The following ESR1 variants were observed in gnomAD, a reference collection of about 807,000 sequenced individuals.
ESR1 encodes estrogen receptor.
A neutral mutation model predicts 52.7 loss-of-function variants in ESR1; 12 were observed. That is an observed-to-expected ratio of 0.23 (90% CI 0.15 to 0.37). The LOEUF (loss-of-function observed/expected upper bound fraction) is 0.37, where lower values mean the gene tolerates loss of function less well. ESR1 is among the 10% of genes least tolerant of loss of function. The pLI, the probability that ESR1 is intolerant of heterozygous loss-of-function variation, is 1.00. For synonymous variants in ESR1, 305 were observed against 316.8 expected, an observed-to-expected ratio of 0.96 and a Z score of 0.39; for missense variants, 584 against 779.7, an observed-to-expected ratio of 0.75 and a Z score of 2.99.
intron 1 of ESR1, among the ~76,000 whole-genome samples, chr6:151,838,422 T>A (rs1280643997): frequency 6.6e-6 from 1 of 152,142 alleles, no homozygotes; most frequent in African/African-American, 2.4e-5. Context: ...AAGCCCAGAT[T>A]GGTGCCTGAC....
rs577932809 is a variant in ESR1, at chr6:151,872,881, G to T, written c.644-7774G>T. On this transcript the variant is annotated intron_variant, in intron 2 of 7. Transcript: ENST00000206249. Reference sequence around the variant, plus strand: ...TTGTACCGTTGTGGCTGGGGAGTTGGACTGTGCATTTCATCCTTGTCATAT... The same window carrying T: ...TTGTACCGTTGTGGCTGGGGAGTTGTACTGTGCATTTCATCCTTGTCATAT... 3.3e-5 allele frequency among the ~76,000 whole-genome samples: 5 copies of T among 152,292 alleles called. No individual in the cohort carries two copies. The South Asian group carries it at 1.0e-3, about 32-fold the overall frequency.
intron 6 of ESR1, among the ~76,000 whole-genome samples, chr6:152,089,855 G>A (rs1464280454): frequency 1.3e-5 from 2 of 152,212 alleles, no homozygotes; most frequent in African/African-American, 2.4e-5. Context: ...GTGGGTTACA[G>A]GCATGAGTCA....
intron 5 of ESR1, among the ~76,000 whole-genome samples, chr6:152,041,496 G>A (rs1247917448): frequency 6.6e-6 from 1 of 152,184 alleles, no homozygotes; most frequent in East Asian, 1.9e-4. Flanking sequence ...CATCTTAGAA[G>A]GAATATCTTG....
chr6:152,099,141 G>C lies in ESR1; in HGVS notation c.*175G>C, dbSNP rs539379047. 1.6e-6 allele frequency: 1 copy of C among 644,192 alleles called. No homozygotes were observed. The highest frequency in any genetic ancestry group is 2.2e-5 in the Admixed American group (1 of 45,380). 39.9% of individuals were successfully genotyped at this position (644,192 alleles called of 1,614,324 possible). A position where few individuals can be genotyped will look rare whatever the true frequency, so the allele number is the denominator to read the frequency against. ...CTCAGTTCTTAGTGGCACATCTTCT[G>C]TCTTCTGTTGGGAACAGCCAAAGGG... is the stretch of plus-strand genomic sequence containing the variant. On this transcript the variant is annotated 3_prime_UTR_variant, in exon 8 of 8. Transcript: ENST00000206249.
intron 4 of ESR1, among the ~76,000 whole-genome samples, chr6:151,962,703 G>A (rs529363932): frequency 3.0e-4 from 45 of 152,286 alleles, no homozygotes; most frequent in Admixed American, 3.9e-4. Context: ...CTGAAATTGC[G>A]TAATCATGTG....
At chr6:151,673,085 A>G (rs577400978) in intron 1 of ESR1, among the ~76,000 whole-genome samples, 104 of 150,122 alleles carry the variant, frequency 6.9e-4, no homozygotes, top group Non-Finnish European at 1.3e-3. Context: ...CTCAGCCTCC[A>G]AAAGTGCTGG....
intron 6 of ESR1, among the ~76,000 whole-genome samples, chr6:152,083,902 C>A (rs1467397711): frequency 6.6e-6 from 1 of 152,120 alleles, no homozygotes; most frequent in Admixed American, 6.6e-5. Flanking sequence ...TACCATTTGA[C>A]CCAGTGATCT....
chr6:151,659,021 G>T (rs187695101), intron 1 of ESR1, among the ~76,000 whole-genome samples: 2 of 152,124 alleles, frequency 1.3e-5, no homozygotes, highest in Non-Finnish European at 2.9e-5. Context: ...TTTTTTGCTC[G>T]TTTGTTTTTG....
At chr6:151,730,796 C>T (rs1162917678) in intron 2 of ESR1, among the ~76,000 whole-genome samples, 1 of 152,168 alleles carries the variant, frequency 6.6e-6, no homozygotes, top group Non-Finnish European at 1.5e-5. Context: ...TCTTATCAGT[C>T]TTCCCTGGTG....
intron 2 of ESR1, among the ~76,000 whole-genome samples, chr6:151,786,370 A>G (rs1787020693): frequency 6.6e-6 from 1 of 152,202 alleles, no homozygotes; most frequent in South Asian, 2.1e-4. Flanking sequence ...AGCACGCTGC[A>G]GGGCAGGAAC....
chr6:151,688,418 G>T (rs1416569516), upstream of ESR1, among the ~76,000 whole-genome samples: 1 of 152,070 alleles, frequency 6.6e-6, no homozygotes, highest in Non-Finnish European at 1.5e-5. Context: ...AGCTGGTATG[G>T]GTACTTAATC....
chr6:151,789,021 G>A (rs527599370), intron 2 of ESR1, among the ~76,000 whole-genome samples: 21 of 152,200 alleles, frequency 1.4e-4, no homozygotes, highest in African/African-American at 4.3e-4. Context: ...TAATACCTGG[G>A]TGATGAAATA....
At chr6:151,779,944 T>C (rs1786388912) in intron 2 of ESR1, among the ~76,000 whole-genome samples, 1 of 145,976 alleles carries the variant, frequency 6.9e-6, no homozygotes, top group African/African-American at 2.5e-5. Context: ...ATATACACCA[T>C]GGAATACTAT....
In ESR1 at chr6:152,089,703, C is replaced by T. The variant is rs146687072; in HGVS notation, c.1370-4682C>T. Among the ~76,000 whole-genome samples the T allele has an allele frequency of 1.0e-2, 1,520 of 152,196 alleles. 25 individuals are homozygous for T. Among genetic ancestry groups the T allele is most frequent in the African/African-American group, 0.036 (1,474 of 41,508 alleles). On this transcript the variant is annotated intron_variant, in intron 6 of 7. Coordinates refer to ENST00000206249, the MANE Select transcript of ESR1 (RefSeq NM_000125.4). Reference sequence around the variant, plus strand: ...AAGTGATTCTCCTGCCTCAGCCTCCCGAGTAGCTGGGATTACAGGCACCTG... The same window carrying T: ...AAGTGATTCTCCTGCCTCAGCCTCCTGAGTAGCTGGGATTACAGGCACCTG...
intron 6 of ESR1, among the ~76,000 whole-genome samples, chr6:152,117,585 C>T (rs574520434): frequency 5.3e-5 from 8 of 152,246 alleles, no homozygotes; most frequent in African/African-American, 1.9e-4. Flanking sequence ...AGATTATATC[C>T]AAGTCCCAAC....
At chr6:151,833,720 CA>C (rs1208437413) in intron 1 of ESR1, among the ~76,000 whole-genome samples, 1 of 152,192 alleles carries the variant, frequency 6.6e-6, no homozygotes, top group Non-Finnish European at 1.5e-5. Context: ...AAGAGCACTG[CA>C]AAGGGTTTGC....
At chr6:151,669,169 A>AGGGAGAG (rs1314012356) in intron 1 of ESR1, among the ~76,000 whole-genome samples, 21 of 126,420 alleles carry the variant, frequency 1.7e-4, no homozygotes, top group Middle Eastern at 4.2e-3. Flanking sequence ...AGAGAGAGAG[A>AGGGAGAG]GAGAGAGAGA....
chr6:152,029,827 G>A (rs1341326238), intron 5 of ESR1, among the ~76,000 whole-genome samples: 1 of 152,074 alleles, frequency 6.6e-6, no homozygotes, highest in East Asian at 1.9e-4. Context: ...GCAACTCCAA[G>A]ACACATAATT....
Position 152,087,918 on chromosome 6 carries a change from A to G in ESR1, c.1370-6467A>G, listed in dbSNP as rs545299925. Among the ~76,000 whole-genome samples the G allele has an allele frequency of 2.3e-4, 35 of 152,328 alleles. No homozygotes were observed. The South Asian group carries it at 4.6e-3, about 20-fold the overall frequency. On this transcript the variant is annotated intron_variant, in intron 6 of 7. Transcript: ENST00000206249. ...GGTTTGGATGGAACCTGACAGCTGC[A>G]TCTTGTAAAACTCCACGGGAGATTC...
Sources: gnomAD v4.1 joint callset for allele counts (sites outside exome capture counted in the v4.1 genomes callset) on GRCh38, gnomAD v4.1.1 for gene constraint, MANE v1.5 for transcripts, NCBI Gene and HGNC (gene_info 2026-07-23, HGNC 2026-07-21) for gene names.